RDX: variants seen among roughly 807,000 people sequenced by gnomAD.
RDX encodes the protein radixin, also known as deafness, autosomal recessive 24.
In RDX, 32 loss-of-function variants were observed where a neutral mutation model predicts 83.7. The observed-to-expected ratio is 0.38, with a 90% confidence interval of 0.29 to 0.51. The LOEUF (loss-of-function observed/expected upper bound fraction) is 0.51. Ranked by LOEUF, RDX falls within the 20% of genes least tolerant of loss-of-function variation. The pLI is 0.87. For synonymous variants in RDX, 229 were observed against 222.7 expected, an observed-to-expected ratio of 1.03 and a Z score of -0.25; for missense variants, 600 against 689.9, an observed-to-expected ratio of 0.87 and a Z score of 1.46.
chr11:110,262,760 TG>T (rs1555043615), intron 5 of RDX, among the ~76,000 whole-genome samples: 1 of 152,168 alleles, frequency 6.6e-6, no homozygotes, highest in Non-Finnish European at 1.5e-5. Context: ...ATCCCCACTT[TG>T]CAGATTTAGA....
rs761907054 is a variant in RDX at position 110,279,662 on chromosome 11, T to C, written c.12+19A>G. ...ATCTTATTATTGAGACACTGTCAAA[T>C]GTAATAAAATACACTTACTGGTTTC... On this transcript the variant is annotated intron_variant, in intron 2 of 13. Coordinates refer to ENST00000645495, the MANE Select transcript of RDX (RefSeq NM_002906.4). 6.8e-7 allele frequency: 1 copy of C among 1,478,320 alleles called. No homozygotes were observed. The highest frequency in any genetic ancestry group is 1.2e-5 in the South Asian group (1 of 86,470). 91.6% of individuals were successfully genotyped at this position (1,478,320 alleles called of 1,614,324 possible).
chr11:110,177,972 G>A (rs1229826226), intron 15 of RDX, among the ~76,000 whole-genome samples: 6 of 151,946 alleles, frequency 3.9e-5, no homozygotes, highest in Non-Finnish European at 7.4e-5. Flanking sequence ...TCTCTGATCA[G>A]GCCAGGATGT....
At chr11:110,282,552 G>C (rs1325226132) in intron 1 of RDX, among the ~76,000 whole-genome samples, 1 of 152,138 alleles carries the variant, frequency 6.6e-6, no homozygotes, top group Non-Finnish European at 1.5e-5. Flanking sequence ...AAAACTGAGA[G>C]TTTAGCTAGG....
chr11:110,197,410 G>A (rs1325969160), intron 15 of RDX, among the ~76,000 whole-genome samples: 1 of 152,166 alleles, frequency 6.6e-6, no homozygotes, highest in Non-Finnish European at 1.5e-5. Flanking sequence ...TCTTCCAAGG[G>A]TGCCAACTAT....
intron 14 of RDX, among the ~76,000 whole-genome samples, chr11:110,207,904 T>C (rs977822893): frequency 6.6e-6 from 1 of 152,200 alleles, no homozygotes. Flanking sequence ...ATAATTACAG[T>C]AATTTTCTGT....
intron 14 of RDX, among the ~76,000 whole-genome samples, chr11:110,204,986 A>G (rs1267671821): frequency 6.6e-6 from 1 of 152,220 alleles, no homozygotes; most frequent in Non-Finnish European, 1.5e-5. Context: ...AGAAAGCTCA[A>G]CCAGATATCA....
At chr11:110,235,395 T>C (rs886094047) in intron 12 of RDX, among the ~76,000 whole-genome samples, 3 of 152,184 alleles carry the variant, frequency 2.0e-5, no homozygotes, top group African/African-American at 7.2e-5. Context: ...CATGCCTTTT[T>C]GTGACCACAA....
At chr11:110,248,634 G>T (rs1051208718) in intron 9 of RDX, among the ~76,000 whole-genome samples, 1 of 152,004 alleles carries the variant, frequency 6.6e-6, no homozygotes, top group Non-Finnish European at 1.5e-5. Context: ...ATTTGCATAC[G>T]GGATGAACTC....
Position 110,254,103 on chromosome 11 carries a change from C to A in RDX, c.802G>T (p.Val268Leu). 1.2e-6 allele frequency: 2 copies of A among 1,613,124 alleles called. No homozygotes were observed. Among genetic ancestry groups the A allele is most frequent in the Non-Finnish European group, 1.7e-6 (2 of 1,179,548 alleles). Reference protein sequence around the residue: ...KPIDKKAPDFVFYAPRLRINK... With the variant: ...KPIDKKAPDFLFYAPRLRINK... ...ATTCTCAGACGAGGTGCATAAAACACAAAATCCTAAACATAAAGTATTCTG... is the reference window on the plus strand; with the variant it reads ...ATTCTCAGACGAGGTGCATAAAACAAAAAATCCTAAACATAAAGTATTCTG... Residue 268 changes from valine (V) to leucine (L), a missense_variant, in exon 9 of 14, where the codon GTG becomes TTG. Physicochemically the swap from Val to Leu is conservative, Grantham distance 32. Transcript: ENST00000645495.
rs116375479 is a variant in RDX, at chr11:110,182,779, C to T, written c.*32-7545G>A. On this transcript the variant is annotated intron_variant, in intron 15 of 15. Coordinates refer to the RDX transcript ENST00000528498. The stretch of plus-strand genomic sequence containing the variant: ...CTCAAGGCCAGGTGAGCAGGCTGTC[C>T]GGGGTAACAGGACATATGAATAGCA... 6.5e-3 allele frequency among the ~76,000 whole-genome samples: 982 copies of T among 152,158 alleles called. 14 individuals carry two copies. Among genetic ancestry groups the T allele is most frequent in the African/African-American group, 0.021 (888 of 41,514 alleles).
chr11:110,196,983 C>T (rs191624385), intron 15 of RDX, among the ~76,000 whole-genome samples: 2 of 152,294 alleles, frequency 1.3e-5, no homozygotes, highest in Non-Finnish European at 2.9e-5. Context: ...ACTGCAGCCT[C>T]GACCTCCTGG....
chr11:110,207,559 T>G (rs4754433), intron 14 of RDX, among the ~76,000 whole-genome samples: 74,859 of 152,024 alleles, frequency 0.49, 19,611 homozygotes, highest in African/African-American at 0.68. Flanking sequence ...GGAGGCTCGT[T>G]GGCCAAACCC....
chr11:110,221,512 C>A (rs1285960476), intron 14 of RDX, among the ~76,000 whole-genome samples: 2 of 151,768 alleles, frequency 1.3e-5, no homozygotes, highest in Non-Finnish European at 2.9e-5. Flanking sequence ...GCAGAAGGAT[C>A]GCTTGAACCC....
At chr11:110,264,523 T>A (rs1859939825) in intron 4 of RDX, among the ~76,000 whole-genome samples, 1 of 152,148 alleles carries the variant, frequency 6.6e-6, no homozygotes, top group African/African-American at 2.4e-5. Flanking sequence ...GTACTTAGTA[T>A]GCCATTTGTA....
At chr11:110,202,872 G>C (rs916825192) in intron 14 of RDX, among the ~76,000 whole-genome samples, 4 of 152,060 alleles carry the variant, frequency 2.6e-5, no homozygotes, top group African/African-American at 9.7e-5. Context: ...ATCCTATTAA[G>C]ACAGGTAATA....
intron 2 of RDX, among the ~76,000 whole-genome samples, chr11:110,276,284 T>C (rs1860515090): frequency 6.6e-6 from 1 of 152,244 alleles, no homozygotes; most frequent in South Asian, 2.1e-4. Context: ...AATTAGTTCA[T>C]TTATTCTCCA....
In RDX at chr11:110,205,914, A is replaced by T. The variant is rs575705866; in HGVS notation, c.1749-6236T>A. Among the ~76,000 whole-genome samples the T allele has an allele frequency of 4.7e-4, 72 of 152,308 alleles. 1 individual carries two copies. In the South Asian group the frequency reaches 0.013, roughly 28 times the overall value. On this transcript the variant is annotated intron_variant, in intron 14 of 15. Coordinates refer to the RDX transcript ENST00000528498. ...ATTCACTAGAAAACATGAATAGAAG[A>T]CAAAAATATCTGTGGCTATATTGTT...
At position 110,293,417 on chromosome 11, in the gene RDX, T is replaced by A. The variant is rs553503213; in HGVS notation, c.-65+3050A>T. ...TAAATGGCTTAAGCTATACATTCAA[T>A]ATAAAGATATACACCAGGAACTTAA... On this transcript the variant is annotated intron_variant, in intron 1 of 13. Coordinates refer to ENST00000645495, the MANE Select transcript of RDX (RefSeq NM_002906.4). 3.9e-5 allele frequency among the ~76,000 whole-genome samples: 6 copies of A among 152,234 alleles called. 1 individual carries two copies. The South Asian group carries it at 1.2e-3, about 32-fold the overall frequency.
chr11:110,289,238 CAAA>C (rs753424624), intron 1 of RDX, among the ~76,000 whole-genome samples: 8 of 54,352 alleles, frequency 1.5e-4, no homozygotes, highest in Non-Finnish European at 3.1e-4. Flanking sequence ...AACTCTATCT[CAAA>C]AAAAAAAAAA....
Sources: allele counts gnomAD v4.1 joint callset (sites outside exome capture counted in the v4.1 genomes callset), GRCh38; gene constraint gnomAD v4.1.1; transcripts MANE v1.5; gene names NCBI Gene and HGNC (gene_info 2026-07-23, HGNC 2026-07-21).